Variants in TMEM200A observed in about 807,000 individuals in gnomAD.
TMEM200A encodes the protein two transmembrane C.
In TMEM200A, 12 loss-of-function variants were observed where a neutral mutation model predicts 24.3. The observed-to-expected ratio is 0.49, with a 90% CI of 0.32 to 0.80. The LOEUF (loss-of-function observed/expected upper bound fraction) is 0.80. TMEM200A is among the 30% of genes least tolerant of loss of function. The pLI, the probability that TMEM200A is intolerant of heterozygous loss-of-function variation, is 0.04. For synonymous variants in TMEM200A, 224 were observed against 224.4 expected (o/e 1.00, Z 0.02); for missense variants, 545 against 614.4 (o/e 0.89, Z 1.19).
Position 130,441,347 on chromosome 6 carries a change from A to G in TMEM200A, c.925A>G (p.Thr309Ala), listed in dbSNP as rs372451351. 1.4e-5 allele frequency: 22 copies of G among 1,614,038 alleles called. No homozygotes were observed. The highest frequency in any genetic ancestry group is 1.9e-5 in the Non-Finnish European group (22 of 1,180,024). The change falls in exon 3 of 3, where the codon ACT becomes GCT. Residue 309 changes from threonine to alanine, a missense_variant. Transcript: ENST00000296978. ...VIDEPSIDNI[T>A]EDADNLKSRS... ...TGATGAGCCCAGTATAGATAACATC[A>G]CTGAAGATGCTGACAACCTCAAAAG...
chr6:130,440,302 G>A lies in TMEM200A; in HGVS notation c.-16-105G>A. On this transcript the variant is annotated intron_variant, in intron 2 of 2. Transcript: ENST00000296978. ...CTGCCCCATTTAATCACATGAAACT[G>A]CAACAGCAACAAAAATTCTGTGTAA... 8.2e-6 allele frequency: 10 copies of A among 1,215,158 alleles called. 1 individual carries two copies. In the South Asian group the frequency reaches 2.8e-4, roughly 34 times the overall value. The allele number at this position is 1,215,158 out of a possible 1,614,324, so 75.3% of individuals were successfully genotyped here.
intron 1 of TMEM200A, among the ~76,000 whole-genome samples, chr6:130,376,055 G>A (rs1378052236): frequency 1.3e-5 from 2 of 151,890 alleles, no homozygotes; most frequent in Admixed American, 6.6e-5. Context: ...AATATATAGA[G>A]CTTAGTAAGT....
chr6:130,392,037 A>C (rs116241951), intron 2 of TMEM200A, among the ~76,000 whole-genome samples: 13,194 of 152,056 alleles, frequency 0.087, 1,322 homozygotes, highest in African/African-American at 0.24. Flanking sequence ...GCCACCACAC[A>C]CGGCCAAGAT....
intron 2 of TMEM200A, among the ~76,000 whole-genome samples, chr6:130,426,060 G>A (rs557927006): frequency 6.6e-6 from 1 of 152,202 alleles, no homozygotes; most frequent in East Asian, 1.9e-4. Context: ...TGAATGTAGG[G>A]GACTGCTCTC....
In TMEM200A at chr6:130,440,453, C is replaced by T; in HGVS notation, c.31C>T (p.Leu11=). MIATGGVITG[L]AALKRQDSAR... ...AGCAACTGGTGGAGTGATAACTGGC[C>T]TGGCCGCCTTGAAAAGGCAAGACTC... Residue 11 remains leucine (L), a synonymous_variant, in exon 3 of 3, where the codon CTG becomes TTG. Transcript: ENST00000296978. 6.3e-7 allele frequency: 1 copy of T among 1,598,842 alleles called. No homozygotes were observed. The highest frequency in any genetic ancestry group is 8.5e-7 in the Non-Finnish European group (1 of 1,173,250).
In TMEM200A at chr6:130,399,358, G is replaced by A. The variant is rs9321224; in HGVS notation, c.-17+14122G>A. ...CAACCACTATGTCTTTGAATTGCCT[G>A]TTTCCCATCCTTTCTACTGATTCCT... On this transcript the variant is annotated intron_variant, in intron 2 of 2. Coordinates refer to ENST00000296978, the MANE Select transcript of TMEM200A (RefSeq NM_001258277.2). Among the ~76,000 whole-genome samples the A allele has an allele frequency of 4.7e-3, 721 of 152,104 alleles. 5 individuals are homozygous for A. Among genetic ancestry groups the A allele is most frequent in the African/African-American group, 0.016 (678 of 41,540 alleles).
At chr6:130,407,654 T>C (rs1031485530) in intron 2 of TMEM200A, among the ~76,000 whole-genome samples, 2 of 152,192 alleles carry the variant, frequency 1.3e-5, no homozygotes, top group African/African-American at 4.8e-5. Flanking sequence ...CTGCAAGACA[T>C]GTAGAGATGA....
intron 2 of TMEM200A, chr6:130,421,080 G>C (rs960574452): frequency 2.6e-5 from 4 of 152,302 alleles, no homozygotes; most frequent in Admixed American, 2.6e-4. Context: ...GGCTGCATCT[G>C]TGCCAGAAAT....
chr6:130,440,355 T>C (rs1780125626), intron 2 of TMEM200A, 52 bp from the exon 3 acceptor site: 7 of 1,465,488 alleles, frequency 4.8e-6, no homozygotes, highest in Non-Finnish European at 5.4e-6. Flanking sequence ...CTGATGCTCA[T>C]ACCCCAGGAA....
chr6:130,404,883 T>C (rs1185283388), intron 2 of TMEM200A, among the ~76,000 whole-genome samples: 3 of 152,220 alleles, frequency 2.0e-5, no homozygotes, highest in African/African-American at 7.2e-5. Context: ...TGCATATGAC[T>C]AGCCGGTTAC....
At chr6:130,365,766 G>C, upstream of TMEM200A, 1 of 985,448 alleles carries the variant, frequency 1.0e-6, no homozygotes, top group Non-Finnish European at 1.2e-6. Flanking sequence ...GGTGATTTGG[G>C]CTCTCGAAGT....
intron 2 of TMEM200A, among the ~76,000 whole-genome samples, chr6:130,390,790 G>A (rs976886584): frequency 6.6e-5 from 10 of 152,138 alleles, no homozygotes; most frequent in African/African-American, 2.4e-4. Context: ...TGTTGGTGAG[G>A]CTGCTTTGAA....
Position 130,441,496 on chromosome 6 carries a change from G to A in TMEM200A, c.1074G>A (p.Gln358=). 1.9e-6 allele frequency: 3 copies of A among 1,614,060 alleles called. No individual in the cohort carries two copies. The highest frequency in any genetic ancestry group is 1.7e-4 in the Middle Eastern group (1 of 6,056). Residue 358 remains glutamine (Q), a synonymous_variant, in exon 3 of 3, where the codon CAG becomes CAA. Transcript: ENST00000296978. ...NNSIGESLSS[Q]YKSSMALGPG... ...CCATTGGGGAGTCGTTGTCGAGTCA[G>A]TACAAGTCATCTATGGCTCTCGGAC...
intron 2 of TMEM200A, among the ~76,000 whole-genome samples, chr6:130,439,828 G>A (rs1247952198): frequency 6.6e-6 from 1 of 152,082 alleles, no homozygotes; most frequent in African/African-American, 2.4e-5. Flanking sequence ...AGGTAAGGAA[G>A]ATGAAAATTG....
chr6:130,383,719 TA>T (rs1339534963), intron 1 of TMEM200A, among the ~76,000 whole-genome samples: 1 of 152,210 alleles, frequency 6.6e-6, no homozygotes, highest in African/African-American at 2.4e-5. Flanking sequence ...TATAAAAGAT[TA>T]TTTTTTCCTT....
intron 2 of TMEM200A, among the ~76,000 whole-genome samples, chr6:130,405,320 T>C (rs1779179777): frequency 3.3e-5 from 5 of 152,214 alleles, no homozygotes; most frequent in Admixed American, 3.3e-4. Context: ...TTGTGTCATC[T>C]CTCATTTCTA....
chr6:130,438,653 T>C (rs977447799), intron 2 of TMEM200A: 1 of 152,220 alleles, frequency 6.6e-6, no homozygotes, highest in Non-Finnish European at 1.5e-5. Context: ...AGAGAATTTG[T>C]CCCTCATTCA....
chr6:130,433,500 A>G (rs17190291), intron 2 of TMEM200A, among the ~76,000 whole-genome samples: 11,246 of 152,198 alleles, frequency 0.074, 567 homozygotes, highest in Middle Eastern at 0.15. Flanking sequence ...TTAGTCACCC[A>G]TATGAATTTT....
intron 1 of TMEM200A, among the ~76,000 whole-genome samples, chr6:130,375,988 G>A (rs879798941): frequency 1.6e-4 from 17 of 103,400 alleles, no homozygotes; most frequent in African/African-American, 5.4e-4. Context: ...TAAATATAAC[G>A]TAAATATATT....
Sources: gnomAD v4.1 joint callset for allele counts (sites outside exome capture counted in the v4.1 genomes callset) on GRCh38, gnomAD v4.1.1 for gene constraint, MANE v1.5 for transcripts, NCBI Gene and HGNC (gene_info 2026-07-23, HGNC 2026-07-21) for gene names.